PTPRT: variants seen among roughly 807,000 people sequenced by gnomAD.
PTPRT encodes the protein receptor-type tyrosine-protein phosphatase T.
A neutral mutation model predicts 176.8 loss-of-function variants in PTPRT; 56 were observed. The ratio of observed to expected loss-of-function variants is 0.32; its 90% CI spans 0.26 to 0.40. The LOEUF is 0.40. Among genes scored for constraint, PTPRT ranks in the 10% least tolerant of loss-of-function variants. The pLI, the probability that PTPRT is intolerant of heterozygous loss-of-function variation, is 1.00. For missense variants in PTPRT, 1,540 were observed against 1,908.2 expected, an observed-to-expected ratio of 0.81 and a Z score of 3.60; for synonymous variants, 783 against 739.0, an observed-to-expected ratio of 1.06 and a Z score of -0.96.
At chr20:42,140,368 T>G (rs1483305027) in intron 18 of PTPRT, among the ~76,000 whole-genome samples, 2 of 152,220 alleles carry the variant, frequency 1.3e-5, no homozygotes, top group African/African-American at 4.8e-5. Flanking sequence ...CTGTTCTAAT[T>G]AGAATACATG....
chr20:42,336,286 G>A (rs1235629885), intron 11 of PTPRT, among the ~76,000 whole-genome samples: 2 of 152,162 alleles, frequency 1.3e-5, no homozygotes, highest in Non-Finnish European at 2.9e-5. Context: ...AGACAGACAA[G>A]TTACCATCTA....
chr20:42,510,758 T>A (rs978989185), intron 7 of PTPRT, among the ~76,000 whole-genome samples: 2 of 152,134 alleles, frequency 1.3e-5, no homozygotes, highest in African/African-American at 2.4e-5. Context: ...TCTCTATTCA[T>A]CGTGCAGAAT....
chr20:43,065,657 A>G (rs944557746), intron 1 of PTPRT, among the ~76,000 whole-genome samples: 12 of 152,316 alleles, frequency 7.9e-5, no homozygotes, highest in Admixed American at 3.9e-4. Context: ...GATGATGTAC[A>G]CCAGCCAGAG....
chr20:42,513,201 G>GGTGTGTGT (rs58268839), intron 7 of PTPRT, among the ~76,000 whole-genome samples: 186 of 144,662 alleles, frequency 1.3e-3, no homozygotes, highest in African/African-American at 3.0e-3. Flanking sequence ...CTATTGATGG[G>GGTGTGTGT]GTGTGTGTGT....
the PTPRT span, among the ~76,000 whole-genome samples, chr20:42,066,505 T>C: frequency 3.3e-5 from 5 of 152,170 alleles, no homozygotes; most frequent in Non-Finnish European, 5.9e-5. Context: ...CTTCATAATA[T>C]TCATAATATG....
chr20:42,817,983 TC>T (rs372211313), intron 2 of PTPRT, among the ~76,000 whole-genome samples: 26 of 152,116 alleles, frequency 1.7e-4, no homozygotes, highest in Admixed American at 6.5e-4. Flanking sequence ...CAAGTAGGTT[TC>T]CCCCCAGCAA....
chr20:42,214,623 A>G (rs2055725272), intron 15 of PTPRT, among the ~76,000 whole-genome samples: 1 of 152,196 alleles, frequency 6.6e-6, no homozygotes, highest in Non-Finnish European at 1.5e-5. Context: ...CTATCTGTCT[A>G]TCTCTGCTTC....
chr20:42,831,066 G>A (rs2078076116), intron 2 of PTPRT, among the ~76,000 whole-genome samples: 1 of 152,190 alleles, frequency 6.6e-6, no homozygotes, highest in Non-Finnish European at 1.5e-5. Context: ...GGCCTGAATA[G>A]CGAAGGCAAT....
chr20:43,052,126 C>T (rs1038832634), intron 1 of PTPRT, among the ~76,000 whole-genome samples: 3 of 152,178 alleles, frequency 2.0e-5, no homozygotes, highest in Admixed American at 1.3e-4. Context: ...TCATGGGATT[C>T]CCAATGTCCC....
intron 9 of PTPRT, among the ~76,000 whole-genome samples, chr20:42,406,269 C>T (rs947222857): frequency 2.0e-5 from 3 of 151,454 alleles, no homozygotes; most frequent in African/African-American, 7.3e-5. Flanking sequence ...CAAAGGTCGT[C>T]CTTTGAAAAA....
intron 9 of PTPRT, among the ~76,000 whole-genome samples, chr20:42,378,131 A>C (rs1299907043): frequency 6.6e-6 from 1 of 152,210 alleles, no homozygotes; most frequent in Non-Finnish European, 1.5e-5. Context: ...TGTATTGAAA[A>C]CAGCACAGCA....
chr20:43,026,532 C>A (rs1465387898), intron 1 of PTPRT, among the ~76,000 whole-genome samples: 1 of 152,080 alleles, frequency 6.6e-6, no homozygotes, highest in African/African-American at 2.4e-5. Context: ...TGATAATAAC[C>A]ATAATAATCA....
At chr20:42,612,470 C>G (rs1373737495) in intron 7 of PTPRT, among the ~76,000 whole-genome samples, 1 of 152,194 alleles carries the variant, frequency 6.6e-6, no homozygotes, top group Admixed American at 6.5e-5. Flanking sequence ...CACGTCATCA[C>G]TCTTTGCATT....
At chr20:42,599,826 A>G (rs756476590) in intron 7 of PTPRT, among the ~76,000 whole-genome samples, 21 of 152,294 alleles carry the variant, frequency 1.4e-4, no homozygotes, top group Non-Finnish European at 2.8e-4. Flanking sequence ...CCATTGCAAG[A>G]CAGCCTTCCA....
chr20:42,770,921 T>A (rs1038691935), intron 5 of PTPRT, among the ~76,000 whole-genome samples: 4 of 152,220 alleles, frequency 2.6e-5, no homozygotes, highest in Admixed American at 6.5e-5. Flanking sequence ...AGAATCGTAG[T>A]TAAGATTTAA....
At chr20:42,831,559 C>T (rs963876936) in intron 2 of PTPRT, among the ~76,000 whole-genome samples, 1 of 152,252 alleles carries the variant, frequency 6.6e-6, no homozygotes, top group Middle Eastern at 3.4e-3. Context: ...AGCTTCTGCA[C>T]AGCAAAATAA....
At chr20:42,633,818 T>TATATATATATATATATATATATATATAA (rs1491342115) in intron 7 of PTPRT, among the ~76,000 whole-genome samples, 3 of 57,728 alleles carry the variant, frequency 5.2e-5, no homozygotes, top group African/African-American at 2.4e-4. Flanking sequence ...TATATATATA[T>TATATATATATATATATATATATATATAA]AATAAAATAT....
At chr20:42,363,140 T>G (rs1219203285) in intron 9 of PTPRT, among the ~76,000 whole-genome samples, 1 of 146,988 alleles carries the variant, frequency 6.8e-6, no homozygotes, top group African/African-American at 2.5e-5. Context: ...CTAAATATTT[T>G]TTTTAAAAAA....
intron 8 of PTPRT, among the ~76,000 whole-genome samples, chr20:42,460,439 C>A (rs2049969): frequency 0.15 from 23,233 of 152,052 alleles, 2,012 homozygotes; most frequent in African/African-American, 0.2. Context: ...ATGGATAAAG[C>A]CTATACTTTA....
Sources: gnomAD v4.1 joint callset for allele counts (sites outside exome capture counted in the v4.1 genomes callset) on GRCh38, gnomAD v4.1.1 for gene constraint, MANE v1.5 for transcripts, NCBI Gene and HGNC (gene_info 2026-07-23, HGNC 2026-07-21) for gene names.